Variants in MYO16 observed in about 807,000 individuals in gnomAD.
MYO16 encodes the protein myosin XVI.
Under a neutral mutation model 205.3 loss-of-function variants are expected in MYO16, and 94 were observed. The ratio of observed to expected loss-of-function variants is 0.46; its 90% CI spans 0.39 to 0.54. The LOEUF (loss-of-function observed/expected upper bound fraction) is 0.54. Among genes scored for constraint, MYO16 ranks in the 20% least tolerant of loss-of-function variants. The pLI, the probability that MYO16 is intolerant of heterozygous loss-of-function variation, is 0.00. For synonymous variants in MYO16, 988 were observed against 954.0 expected, an observed-to-expected ratio of 1.04 and a Z score of -0.66; for missense variants, 2,315 against 2,387.5, an observed-to-expected ratio of 0.97 and a Z score of 0.63.
chr13:108,693,713 T>C (rs1057459981), intron 2 of MYO16, among the ~76,000 whole-genome samples: 1 of 152,234 alleles, frequency 6.6e-6, no homozygotes, highest in Non-Finnish European at 1.5e-5. Context: ...ACTACCTGGT[T>C]TTCTTAACTT....
chr13:108,571,585 A>G, the MYO16 span, among the ~76,000 whole-genome samples: 35,925 of 151,934 alleles, frequency 0.24, 4,497 homozygotes, highest in East Asian at 0.4. Flanking sequence ...TGCTACCTGG[A>G]GCCACTCTCT....
intron 33 of MYO16, among the ~76,000 whole-genome samples, chr13:109,171,014 A>G (rs1336534641): frequency 6.6e-6 from 1 of 152,244 alleles, no homozygotes; most frequent in African/African-American, 2.4e-5. Context: ...TCAATCTTTC[A>G]AAGCAACTTG....
At chr13:108,622,673 G>A (rs561795181) in intron 1 of MYO16, among the ~76,000 whole-genome samples, 4 of 151,288 alleles carry the variant, frequency 2.6e-5, no homozygotes, top group Middle Eastern at 6.8e-3. Context: ...GGATGGAAAA[G>A]AGAGGGATGG....
At chr13:108,892,912 C>A (rs1419295447) in intron 14 of MYO16, among the ~76,000 whole-genome samples, 3 of 152,132 alleles carry the variant, frequency 2.0e-5, no homozygotes, top group African/African-American at 7.2e-5. Flanking sequence ...TATAACCCTC[C>A]CAAATCAGTT....
At position 109,055,559 on chromosome 13, in the gene MYO16, A is replaced by G; in HGVS notation, c.3299A>G (p.Tyr1100Cys). 2 of 1,612,320 alleles carry G rather than the reference A, an allele frequency of 1.2e-6. No individual in the cohort carries two copies. The highest frequency in any genetic ancestry group is 1.7e-6 in the Non-Finnish European group (2 of 1,179,308). ...LEMVKIFRYGYPVRLSFSDFL... is the reference protein window; with the variant it reads ...LEMVKIFRYGCPVRLSFSDFL... The stretch of plus-strand genomic sequence containing the variant: ...ATGGTGAAGATCTTCCGATATGGAT[A>G]CCCTGTTCGCCTTTCCTTCTCGGAT... The change falls in exon 27 of 35, where the codon TAC becomes TGC. Residue 1100 changes from tyrosine to cysteine, a missense_variant. Tyr to Cys is a radical substitution (Grantham distance 194). Transcript: ENST00000457511. The surrounding 1 kb of genome is among the most constrained non-coding windows in gnomAD (Gnocchi z 5.0).
At chr13:108,620,668 G>C (rs184433552) in intron 1 of MYO16, among the ~76,000 whole-genome samples, 75 of 152,320 alleles carry the variant, frequency 4.9e-4, no homozygotes, top group African/African-American at 1.7e-3. Context: ...AAGACAGGAA[G>C]AGGAGGACTC....
the MYO16 span, among the ~76,000 whole-genome samples, chr13:108,569,088 A>G: frequency 1.1e-4 from 17 of 152,220 alleles, 1 homozygote; most frequent in South Asian, 3.3e-3. Context: ...TTGAAATTAA[A>G]ATGTGAGCTG....
intron 24 of MYO16, among the ~76,000 whole-genome samples, chr13:109,047,962 CAA>C (rs1566480200): frequency 6.6e-6 from 1 of 151,610 alleles, no homozygotes; most frequent in African/African-American, 2.4e-5. Flanking sequence ...ACAAAAAAAA[CAA>C]AGAATAACAT....
At chr13:108,689,158 GACA>G (rs918713206) in intron 2 of MYO16, among the ~76,000 whole-genome samples, 5 of 151,750 alleles carry the variant, frequency 3.3e-5, no homozygotes, top group African/African-American at 7.3e-5. Flanking sequence ...TTGTTGATAT[GACA>G]ACAATTTGCT....
chr13:108,895,848 C>T (rs1880387257), intron 14 of MYO16, among the ~76,000 whole-genome samples: 1 of 152,178 alleles, frequency 6.6e-6, no homozygotes, highest in Non-Finnish European at 1.5e-5. Context: ...TTGCTATTCA[C>T]AAAAGTAAAA....
chr13:109,006,320 A>G (rs1885384496), intron 21 of MYO16, among the ~76,000 whole-genome samples: 1 of 152,142 alleles, frequency 6.6e-6, no homozygotes, highest in Non-Finnish European at 1.5e-5. Context: ...GCTAACTGCA[A>G]CCTTCGCCTC....
chr13:108,811,579 T>C (rs1887294901), intron 7 of MYO16, among the ~76,000 whole-genome samples: 1 of 151,248 alleles, frequency 6.6e-6, no homozygotes, highest in African/African-American at 2.4e-5. Context: ...CTCTTTCCCA[T>C]CCCCATCTGT....
intron 27 of MYO16, among the ~76,000 whole-genome samples, chr13:109,078,308 G>A (rs371558086): frequency 2.2e-4 from 34 of 151,482 alleles, no homozygotes; most frequent in East Asian, 1.4e-3. Flanking sequence ...GCATGGTGGC[G>A]CACACCTGTA....
At chr13:108,619,749 C>T (rs1274560315) in intron 1 of MYO16, among the ~76,000 whole-genome samples, 1 of 152,156 alleles carries the variant, frequency 6.6e-6, no homozygotes, top group Non-Finnish European at 1.5e-5. Context: ...CCTTCTCCAC[C>T]TTCTCCTCTC....
intron 6 of MYO16, among the ~76,000 whole-genome samples, chr13:108,794,648 A>G (rs1886728320): frequency 6.6e-6 from 1 of 152,226 alleles, no homozygotes; most frequent in African/African-American, 2.4e-5. Context: ...TAATTTGTAT[A>G]TATTTGATGT....
intron 16 of MYO16, among the ~76,000 whole-genome samples, chr13:108,949,810 G>T (rs1883073252): frequency 6.6e-6 from 1 of 152,010 alleles, no homozygotes; most frequent in African/African-American, 2.4e-5. Context: ...TTATGGTATT[G>T]GTAGACAGAC....
intron 27 of MYO16, among the ~76,000 whole-genome samples, chr13:109,084,523 C>T (rs2139676894): frequency 1.3e-5 from 2 of 152,184 alleles, no homozygotes; most frequent in South Asian, 4.1e-4. Flanking sequence ...ATACATCACT[C>T]GTGTATATGT....
chr13:108,800,530 C>T (rs954177606), intron 6 of MYO16, among the ~76,000 whole-genome samples: 1 of 152,168 alleles, frequency 6.6e-6, no homozygotes, highest in Non-Finnish European at 1.5e-5. Flanking sequence ...TTCCAATTTA[C>T]ATATATAGTC....
the MYO16 span, among the ~76,000 whole-genome samples, chr13:108,570,213 T>G: frequency 1.3e-5 from 2 of 152,002 alleles, no homozygotes; most frequent in African/African-American, 2.4e-5. Flanking sequence ...TGGTTTTTGC[T>G]TTCCTTCTTT....
Sources: allele counts gnomAD v4.1 joint callset (sites outside exome capture counted in the v4.1 genomes callset), GRCh38; gene constraint gnomAD v4.1.1; non-coding constraint Gnocchi (gnomAD v3.1); transcripts MANE v1.5; gene names NCBI Gene and HGNC (gene_info 2026-07-23, HGNC 2026-07-21).